SLC24A2: variants seen among roughly 807,000 people sequenced by gnomAD.
SLC24A2 encodes the protein sodium/potassium/calcium exchanger 2.
Under a neutral mutation model 62.0 loss-of-function variants are expected in SLC24A2, and 36 were observed. The ratio of observed to expected loss-of-function variants is 0.58; its 90% CI spans 0.44 to 0.77. SLC24A2 has a LOEUF of 0.77. Ranked by LOEUF, SLC24A2 falls within the 30% of genes least tolerant of loss-of-function variation. The pLI, the probability that SLC24A2 is intolerant of heterozygous loss-of-function variation, is 0.00. For synonymous variants in SLC24A2, 358 were observed against 294.0 expected (o/e 1.22, Z -2.23); for missense variants, 846 against 817.9 (o/e 1.03, Z -0.42).
At chr9:19,795,030 G>A in the SLC24A2 span, among the ~76,000 whole-genome samples, 6 of 152,180 alleles carry the variant, frequency 3.9e-5, no homozygotes, top group African/African-American at 1.4e-4. Context: ...CAAGCCAGAA[G>A]GAAGGTGCTG....
rs180851107 is a variant in SLC24A2 at position 19,558,948 on chromosome 9, T to C, written c.1348-8680A>G. Reference sequence around the variant, plus strand: ...GTGTCTTACCTAATTGCAGGGATGGTTGGAGAAGGGATCGAGAGACAAAGA... The same window carrying C: ...GTGTCTTACCTAATTGCAGGGATGGCTGGAGAAGGGATCGAGAGACAAAGA... On this transcript the variant is annotated intron_variant, in intron 7 of 10. Coordinates refer to ENST00000341998, the MANE Select transcript of SLC24A2 (RefSeq NM_020344.4). 8.5e-5 allele frequency among the ~76,000 whole-genome samples: 13 copies of C among 152,300 alleles called. No homozygotes were observed. In the East Asian group the frequency reaches 1.3e-3, roughly 16 times the overall value.
At chr9:20,137,315 C>T in the SLC24A2 span, among the ~76,000 whole-genome samples, 71 of 152,256 alleles carry the variant, frequency 4.7e-4, no homozygotes, top group African/African-American at 1.5e-3. Context: ...GTCTCCACTG[C>T]TCAATACTTA....
chr9:20,078,939 A>T, the SLC24A2 span, among the ~76,000 whole-genome samples: 1 of 152,228 alleles, frequency 6.6e-6, no homozygotes, highest in African/African-American at 2.4e-5. Flanking sequence ...GAACACTAGT[A>T]ACTTTTTGTA....
chr9:19,545,285 T>A (rs1834494412), intron 8 of SLC24A2, among the ~76,000 whole-genome samples: 1 of 152,078 alleles, frequency 6.6e-6, no homozygotes, highest in African/African-American at 2.4e-5. Flanking sequence ...ATCAGGTCAT[T>A]TATGTTCTTC....
chr9:20,013,228 TA>T, the SLC24A2 span, among the ~76,000 whole-genome samples: 60 of 150,220 alleles, frequency 4.0e-4, no homozygotes, highest in East Asian at 4.9e-3. Flanking sequence ...AAACAGGACT[TA>T]AAAAAAAAAT....
chr9:20,190,330 C>G, the SLC24A2 span, among the ~76,000 whole-genome samples: 36 of 152,210 alleles, frequency 2.4e-4, no homozygotes, highest in African/African-American at 8.4e-4. Context: ...GGCCCATCCT[C>G]CTACCTCTCT....
At chr9:20,193,429 AC>A in the SLC24A2 span, among the ~76,000 whole-genome samples, 1 of 152,028 alleles carries the variant, frequency 6.6e-6, no homozygotes, top group East Asian at 1.9e-4. Flanking sequence ...GAAAGCTCAC[AC>A]CACCCAAAAG....
At chr9:20,235,618 G>A in the SLC24A2 span, among the ~76,000 whole-genome samples, 32 of 152,156 alleles carry the variant, frequency 2.1e-4, no homozygotes, top group Non-Finnish European at 3.5e-4. Flanking sequence ...AATTTTCTAG[G>A]TGCCCTCTGT....
chr9:20,274,734 C>T, the SLC24A2 span, among the ~76,000 whole-genome samples: 1 of 152,014 alleles, frequency 6.6e-6, no homozygotes, highest in Non-Finnish European at 1.5e-5. Context: ...AAGCTTTGTC[C>T]CTCTTTGTCC....
chr9:20,200,750 T>C, the SLC24A2 span, among the ~76,000 whole-genome samples: 2 of 152,248 alleles, frequency 1.3e-5, no homozygotes, highest in African/African-American at 2.4e-5. Flanking sequence ...GCATTTGGCA[T>C]TGACTTCAGA....
the SLC24A2 span, among the ~76,000 whole-genome samples, chr9:19,812,140 T>C: frequency 8.5e-5 from 13 of 152,166 alleles, no homozygotes; most frequent in Non-Finnish European, 1.3e-4. Context: ...TTCCATTTAA[T>C]TGTTGTTATT....
At chr9:20,059,182 G>C in the SLC24A2 span, among the ~76,000 whole-genome samples, 1 of 152,268 alleles carries the variant, frequency 6.6e-6, no homozygotes, top group Non-Finnish European at 1.5e-5. Context: ...GATTATCCTG[G>C]ATTATCCAGC....
At chr9:19,653,334 A>G (rs1439346916) in intron 2 of SLC24A2, among the ~76,000 whole-genome samples, 1 of 152,190 alleles carries the variant, frequency 6.6e-6, no homozygotes, top group Non-Finnish European at 1.5e-5. Context: ...CAGTAGTAAG[A>G]CTGTCTTTTC....
chr9:20,169,596 T>C, the SLC24A2 span, among the ~76,000 whole-genome samples: 1 of 151,948 alleles, frequency 6.6e-6, no homozygotes, highest in African/African-American at 2.4e-5. Context: ...TCACTGTAGC[T>C]TGGCTCCCAG....
intron 2 of SLC24A2, among the ~76,000 whole-genome samples, chr9:19,717,005 C>A (rs1820879536): frequency 6.6e-6 from 1 of 152,206 alleles, no homozygotes; most frequent in African/African-American, 2.4e-5. Flanking sequence ...AAACATAGTT[C>A]AGTGCTATTC....
intron 2 of SLC24A2, among the ~76,000 whole-genome samples, chr9:19,625,691 C>CT (rs5896851): frequency 0.62 from 89,315 of 143,716 alleles, 28,296 homozygotes; most frequent in East Asian, 0.77. Flanking sequence ...TTTTTCTTTT[C>CT]TTTTTTTTTT....
At chr9:19,874,678 A>G in the SLC24A2 span, among the ~76,000 whole-genome samples, 1 of 152,174 alleles carries the variant, frequency 6.6e-6, no homozygotes, top group South Asian at 2.1e-4. Context: ...TAGATACTTG[A>G]GTTCCCTCAA....
At chr9:19,963,457 G>A in the SLC24A2 span, among the ~76,000 whole-genome samples, 1 of 149,932 alleles carries the variant, frequency 6.7e-6, no homozygotes, top group Admixed American at 6.6e-5. Flanking sequence ...GAAAATTTTC[G>A]CAACCTACTC....
chr9:20,144,627 G>C, the SLC24A2 span, among the ~76,000 whole-genome samples: 1 of 152,118 alleles, frequency 6.6e-6, no homozygotes, highest in Admixed American at 6.6e-5. Flanking sequence ...GAGGGTAGTG[G>C]GTGCAGGCAT....
Sources: gnomAD v4.1 joint callset for allele counts (sites outside exome capture counted in the v4.1 genomes callset) on GRCh38, gnomAD v4.1.1 for gene constraint, MANE v1.5 for transcripts, NCBI Gene and HGNC (gene_info 2026-07-23, HGNC 2026-07-21) for gene names.